Variants in ANXA3 observed in about 807,000 individuals in gnomAD.
The protein encoded by ANXA3 is annexin A3.
Under a neutral mutation model 48.8 loss-of-function variants are expected in ANXA3, and 46 were observed. That is an observed-to-expected ratio of 0.94 (90% confidence interval 0.74 to 1.21). The LOEUF is 1.21. Ranked by LOEUF, ANXA3 falls within the 50% of genes most tolerant of loss-of-function variation. The pLI is 0.00. For synonymous variants in ANXA3, 128 were observed against 134.7 expected, an observed-to-expected ratio of 0.95 and a Z score of 0.35; for missense variants, 383 against 378.6, an observed-to-expected ratio of 1.01 and a Z score of -0.10.
chr4:78,561,021 A>G (rs1225438145), intron 2 of ANXA3, among the ~76,000 whole-genome samples: 3 of 152,206 alleles, frequency 2.0e-5, no homozygotes, highest in African/African-American at 7.2e-5. Context: ...TTTTAGATGT[A>G]TTTTTCATAT....
chr4:78,608,717 G>A (rs1560453624), intron 12 of ANXA3, among the ~76,000 whole-genome samples: 4 of 152,028 alleles, frequency 2.6e-5, no homozygotes. Context: ...CAGGTTTTAG[G>A]TTGTTTGTTT....
At chr4:78,557,239 G>T (rs1190957352) in intron 2 of ANXA3, among the ~76,000 whole-genome samples, 1 of 152,158 alleles carries the variant, frequency 6.6e-6, no homozygotes, top group African/African-American at 2.4e-5. Flanking sequence ...CAGCAATGAT[G>T]CATCAAATCT....
chr4:78,586,777 A>G (rs1723189405), intron 6 of ANXA3, among the ~76,000 whole-genome samples: 2 of 152,242 alleles, frequency 1.3e-5, no homozygotes, highest in Admixed American at 1.3e-4. Context: ...AGAAGTAGCT[A>G]AAGACCTAAT....
intron 12 of ANXA3, 52 bp from the exon 13 acceptor site, chr4:78,610,004 G>GTC: frequency 7.2e-7 from 1 of 1,379,820 alleles, no homozygotes; most frequent in South Asian, 1.2e-5. Flanking sequence ...TTCATTTATG[G>GTC]TCTCCCATTA....
At chr4:78,595,644 C>A in intron 8 of ANXA3, 150 bp from the exon 9 acceptor site, 1 of 745,898 alleles carries the variant, frequency 1.3e-6, no homozygotes, top group Admixed American at 2.9e-5. Flanking sequence ...TGGCTCCTGA[C>A]AGCCCAATTT....
intron 11 of ANXA3, 125 bp downstream of exon 11, chr4:78,601,693 T>C (rs1723546287): frequency 1.3e-6 from 1 of 793,656 alleles, no homozygotes; most frequent in African/African-American, 1.7e-5. Flanking sequence ...TAAGATAAAT[T>C]ATATTACAGC....
intron 2 of ANXA3, among the ~76,000 whole-genome samples, chr4:78,562,868 G>A (rs1722652970): frequency 6.6e-6 from 1 of 152,172 alleles, no homozygotes; most frequent in Non-Finnish European, 1.5e-5. Context: ...GGAAAGAGCA[G>A]CCAGGCAGAC....
intron 4 of ANXA3, among the ~76,000 whole-genome samples, chr4:78,580,998 A>G (rs1723059957): frequency 6.6e-6 from 1 of 152,208 alleles, no homozygotes. Context: ...CATTTCTCAC[A>G]GTGGAATAGG....
intron 6 of ANXA3, among the ~76,000 whole-genome samples, chr4:78,587,265 AG>A (rs1335802192): frequency 1.3e-5 from 2 of 152,252 alleles, no homozygotes; most frequent in Non-Finnish European, 2.9e-5. Flanking sequence ...TGATTGAACC[AG>A]TCCACCTACA....
At chr4:78,602,239 C>CAAAAAAAAA (rs60958659) in intron 11 of ANXA3, 2 of 64,752 alleles carry the variant, frequency 3.1e-5, no homozygotes, top group African/African-American at 1.0e-4. Flanking sequence ...GACTCTGTCT[C>CAAAAAAAAA]AAAAAAAAAA....
intron 2 of ANXA3, among the ~76,000 whole-genome samples, chr4:78,557,769 A>G (rs566559948): frequency 6.6e-6 from 1 of 152,020 alleles, no homozygotes; most frequent in African/African-American, 2.4e-5. Context: ...CAGAGAGCAA[A>G]CATTAGGAAC....
chr4:78,603,132 A>G (rs1189446391), intron 11 of ANXA3: 1 of 152,150 alleles, frequency 6.6e-6, no homozygotes, highest in African/African-American at 2.4e-5. Flanking sequence ...ATCACTATTT[A>G]CTTAAGCAAT....
chr4:78,554,491 A>C lies in ANXA3; in HGVS notation c.15+3A>C. 2 of 1,613,068 alleles carry C rather than the reference A, an allele frequency of 1.2e-6. No homozygotes were observed. The highest frequency in any genetic ancestry group is 1.7e-6 in the Non-Finnish European group (2 of 1,179,410). ...GGGATATCATGGCATCTATCTGGGT[A>C]AGTAAAAATTAAGCCTTCACAACAC... On this transcript the variant is annotated splice_donor_region_variant and intron_variant, in intron 2 of 12. Coordinates refer to ENST00000264908, the MANE Select transcript of ANXA3 (RefSeq NM_005139.3).
intron 2 of ANXA3, among the ~76,000 whole-genome samples, chr4:78,556,734 A>G (rs746724813): frequency 1.1e-4 from 17 of 152,088 alleles, no homozygotes; most frequent in Non-Finnish European, 1.9e-4. Flanking sequence ...ATAGAATCAG[A>G]TGAAAAAAGC....
intron 7 of ANXA3, among the ~76,000 whole-genome samples, chr4:78,594,169 TG>T (rs1723365932): frequency 6.6e-6 from 1 of 152,200 alleles, no homozygotes; most frequent in African/African-American, 2.4e-5. Flanking sequence ...TCAGGCAGGC[TG>T]GCTTCTTTCA....
Position 78,601,290 on chromosome 4 carries a change from G to A in ANXA3, c.731-220G>A, listed in dbSNP as rs963291083. Among the ~76,000 whole-genome samples the A allele has an allele frequency of 3.3e-5, 5 of 152,188 alleles. No homozygotes were observed. In the South Asian group the frequency reaches 1.0e-3, roughly 32 times the overall value. On this transcript the variant is annotated intron_variant, in intron 10 of 12. Coordinates refer to ENST00000264908, the MANE Select transcript of ANXA3 (RefSeq NM_005139.3). ...AGGTAATTTTATTTTCCCCATGGCT[G>A]GAGATAATTACTGTGCTAAAGTTCT...
intron 2 of ANXA3, among the ~76,000 whole-genome samples, chr4:78,570,772 T>C (rs1189868690): frequency 1.3e-5 from 2 of 152,336 alleles, no homozygotes; most frequent in East Asian, 1.9e-4. Flanking sequence ...ATATATAAAG[T>C]GCTTAGCATG....
intron 2 of ANXA3, 46 bp downstream of exon 2, chr4:78,554,534 A>C: frequency 6.3e-7 from 1 of 1,577,682 alleles, no homozygotes; most frequent in African/African-American, 1.3e-5. Flanking sequence ...TATATGAGTC[A>C]AACCAAAACA....
rs141392132 is a variant in ANXA3, at chr4:78,595,800, T to C, written c.547T>C (p.Tyr183His). The C allele has an allele frequency of 8.0e-5, 128 of 1,598,150 alleles. No homozygotes were observed. Among genetic ancestry groups the C allele is most frequent in the Non-Finnish European group, 1.0e-4 (122 of 1,165,900 alleles). Residue 183 changes from tyrosine to histidine, a missense_variant, in exon 9 of 13, where the codon TAT becomes CAT. Transcript: ENST00000264908. Reference sequence around the variant, plus strand: ...ATCATTCTCTTGTGAATAGATTCTCTATAAAGCTGGTGAGAACAGATGGGG... The same window carrying C: ...ATCATTCTCTTGTGAATAGATTCTCCATAAAGCTGGTGAGAACAGATGGGG... ...HLAKQDAQIL[Y>H]KAGENRWGTD...
Sources: allele counts gnomAD v4.1 joint callset (sites outside exome capture counted in the v4.1 genomes callset), GRCh38; gene constraint gnomAD v4.1.1; transcripts MANE v1.5; gene names NCBI Gene and HGNC (gene_info 2026-07-23, HGNC 2026-07-21).